Variants in GPC5 observed in about 807,000 individuals in gnomAD.
The protein encoded by GPC5 is glypican-5.
GPC5 carries 47 observed loss-of-function variants against 53.9 expected under a neutral mutation model. The ratio of observed to expected loss-of-function variants is 0.87; its 90% CI spans 0.69 to 1.11. GPC5 has a LOEUF of 1.11. Among genes scored for constraint, GPC5 ranks in the 50% most tolerant of loss-of-function variants. GPC5 has a pLI of 0.00. For missense variants in GPC5, 748 were observed against 713.1 expected, an observed-to-expected ratio of 1.05 and a Z score of -0.56; for synonymous variants, 286 against 263.3, an observed-to-expected ratio of 1.09 and a Z score of -0.84.
chr13:91,709,396 G>A (rs571118166), intron 3 of GPC5, among the ~76,000 whole-genome samples: 3 of 152,172 alleles, frequency 2.0e-5, no homozygotes, highest in Admixed American at 6.5e-5. Flanking sequence ...GGCACCACTC[G>A]TAATACTCCC....
At chr13:92,431,366 A>C (rs1368982773) in intron 7 of GPC5, among the ~76,000 whole-genome samples, 1 of 149,746 alleles carries the variant, frequency 6.7e-6, no homozygotes, top group Non-Finnish European at 1.5e-5. Context: ...CAACATGACT[A>C]TATGTGAGAC....
At chr13:91,527,902 T>C (rs908928117) in intron 2 of GPC5, among the ~76,000 whole-genome samples, 1 of 152,116 alleles carries the variant, frequency 6.6e-6, no homozygotes, top group African/African-American at 2.4e-5. Flanking sequence ...CAGCTGGAGC[T>C]GGAGGGGCTG....
intron 7 of GPC5, among the ~76,000 whole-genome samples, chr13:92,579,080 G>A (rs1883280342): frequency 1.3e-5 from 2 of 152,082 alleles, no homozygotes; most frequent in South Asian, 4.1e-4. Flanking sequence ...AAAGTTCACT[G>A]TCAAAATTAA....
At chr13:91,596,993 T>C (rs1445298066) in intron 2 of GPC5, among the ~76,000 whole-genome samples, 1 of 152,168 alleles carries the variant, frequency 6.6e-6, no homozygotes, top group Admixed American at 6.5e-5. Context: ...TTCTCCAGAC[T>C]CTCTGCAGTG....
chr13:92,131,458 A>G (rs1209955312), intron 6 of GPC5, among the ~76,000 whole-genome samples: 1 of 152,024 alleles, frequency 6.6e-6, no homozygotes, highest in Non-Finnish European at 1.5e-5. Context: ...CTAATAACAC[A>G]GTTATATATT....
intron 7 of GPC5, among the ~76,000 whole-genome samples, chr13:92,151,164 A>C (rs1459304519): frequency 6.6e-6 from 1 of 152,062 alleles, no homozygotes; most frequent in Non-Finnish European, 1.5e-5. Context: ...TCATTTTCTT[A>C]TTATTGAACA....
intron 6 of GPC5, chr13:91,996,304 G>A (rs1012638934): frequency 1.3e-5 from 2 of 152,214 alleles, no homozygotes; most frequent in Non-Finnish European, 2.9e-5. Context: ...TTCAAGGTCT[G>A]GTTGCAAACA....
intron 6 of GPC5, among the ~76,000 whole-genome samples, chr13:91,928,023 G>A (rs1019406323): frequency 2.0e-5 from 3 of 151,954 alleles, no homozygotes; most frequent in African/African-American, 7.3e-5. Flanking sequence ...ATAAAGTCAG[G>A]GCAACTGATT....
chr13:92,334,167 G>A (rs2043306722), intron 7 of GPC5, among the ~76,000 whole-genome samples: 1 of 152,058 alleles, frequency 6.6e-6, no homozygotes, highest in African/African-American at 2.4e-5. Context: ...AATTTATAAG[G>A]AAAAAGAGGT....
intron 6 of GPC5, among the ~76,000 whole-genome samples, chr13:91,951,920 T>TA (rs1202648482): frequency 2.6e-5 from 4 of 152,258 alleles, no homozygotes; most frequent in Admixed American, 2.0e-4. Flanking sequence ...GTTTTCCACA[T>TA]AAAATCTTTC....
At chr13:92,004,461 TATATATATATATATA>T (rs2040586757) in intron 6 of GPC5, among the ~76,000 whole-genome samples, 1 of 41,370 alleles carries the variant, frequency 2.4e-5, no homozygotes, top group African/African-American at 5.8e-5. Context: ...AAAAAAATTA[TATATATATATATATA>T]TATATATATA....
intron 6 of GPC5, among the ~76,000 whole-genome samples, chr13:91,930,538 T>C (rs535540770): frequency 1.3e-5 from 2 of 152,220 alleles, no homozygotes; most frequent in African/African-American, 2.4e-5. Flanking sequence ...TTTTCTTTTC[T>C]ATTAGGTGGA....
chr13:92,518,096 C>A (rs143340685), intron 7 of GPC5, among the ~76,000 whole-genome samples: 1 of 151,596 alleles, frequency 6.6e-6, no homozygotes, highest in Non-Finnish European at 1.5e-5. Flanking sequence ...TAAAAAGAAA[C>A]GAACAAAGCC....
chr13:92,585,250 C>T (rs761463005), intron 7 of GPC5, among the ~76,000 whole-genome samples: 1 of 152,150 alleles, frequency 6.6e-6, no homozygotes, highest in African/African-American at 2.4e-5. Context: ...GGAGGCTATA[C>T]CCAGCAAAGC....
chr13:91,834,376 A>C (rs566815513), intron 5 of GPC5, among the ~76,000 whole-genome samples: 1 of 152,266 alleles, frequency 6.6e-6, no homozygotes, highest in African/African-American at 2.4e-5. Flanking sequence ...GACTTTCTTC[A>C]CAGAATTGGA....
At chr13:91,455,975 C>A (rs1447813528) in intron 2 of GPC5, among the ~76,000 whole-genome samples, 1 of 152,002 alleles carries the variant, frequency 6.6e-6, no homozygotes. Context: ...TCTATTTTTG[C>A]AAGTCTTTTT....
Position 92,757,226 on chromosome 13 carries a change from T to C in GPC5, c.1562-109056T>C, listed in dbSNP as rs144865339. ...TGAGAAACCTGACAAAAACAAGAAA[T>C]GGGGAAAGGATTCGTATTTAATAAA... is the stretch of plus-strand genomic sequence containing the variant. On this transcript the variant is annotated intron_variant, in intron 7 of 7. Coordinates refer to ENST00000377067, the MANE Select transcript of GPC5 (RefSeq NM_004466.6). Among the ~76,000 whole-genome samples, 942 of 152,222 alleles carry C rather than the reference T, an allele frequency of 6.2e-3. 12 individuals carry two copies. Among genetic ancestry groups the C allele is most frequent in the African/African-American group, 0.022 (895 of 41,504 alleles).
chr13:92,746,494 T>A (rs1221189800), intron 7 of GPC5, among the ~76,000 whole-genome samples: 3 of 152,106 alleles, frequency 2.0e-5, no homozygotes, highest in Non-Finnish European at 4.4e-5. Flanking sequence ...TTCTCAGTAG[T>A]CCCTCTGTAG....
chr13:92,244,116 A>C (rs1408747225), intron 7 of GPC5, among the ~76,000 whole-genome samples: 1 of 152,210 alleles, frequency 6.6e-6, no homozygotes, highest in Non-Finnish European at 1.5e-5. Context: ...CTTAACTTTC[A>C]TAAGAACTGA....
Sources: allele counts gnomAD v4.1 joint callset (sites outside exome capture counted in the v4.1 genomes callset), GRCh38; gene constraint gnomAD v4.1.1; transcripts MANE v1.5; gene names NCBI Gene and HGNC (gene_info 2026-07-23, HGNC 2026-07-21).